NLGN4X: variants seen among roughly 807,000 people sequenced by gnomAD.
NLGN4X encodes the protein neuroligin-4, X-linked.
NLGN4X carries 3 observed loss-of-function variants against 40.3 expected under a neutral mutation model. The observed-to-expected ratio is 0.07, with a 90% CI of 0.03 to 0.19. NLGN4X has a LOEUF of 0.19. Ranked by LOEUF, NLGN4X falls within the 10% of genes least tolerant of loss-of-function variation. The probability of loss-of-function intolerance (pLI) is 1.00; values close to 1 mark genes in which losing one functional copy is unlikely to be tolerated. For synonymous variants in NLGN4X, 270 were observed against 306.8 expected, an observed-to-expected ratio of 0.88 and a Z score of 1.25; for missense variants, 382 against 708.3, an observed-to-expected ratio of 0.54 and a Z score of 5.23.
At chrX:6,095,049 C>G (rs777035075) in intron 2 of NLGN4X, among the ~76,000 whole-genome samples, 5 of 106,603 alleles carry the variant, frequency 4.7e-5, no homozygotes, top group Non-Finnish European at 9.6e-5. Context: ...TGTGTACGAG[C>G]CTTAGTTGTT....
chrX:6,109,118 T>C (rs1361521058), intron 2 of NLGN4X, among the ~76,000 whole-genome samples: 2 of 110,787 alleles, frequency 1.8e-5, no homozygotes, highest in African/African-American at 6.6e-5. Flanking sequence ...AATAAAAAAT[T>C]AGCCGGATAT....
At chrX:6,123,693 AAAATAT>A (rs199618755) in intron 2 of NLGN4X, among the ~76,000 whole-genome samples, 1,440 of 105,995 alleles carry the variant, frequency 0.014, 22 homozygotes, top group African/African-American at 0.048. Flanking sequence ...CATCTTCATT[AAAATAT>A]AAGTGCAGCA....
intron 2 of NLGN4X, among the ~76,000 whole-genome samples, chrX:6,137,780 A>G (rs1045854103): frequency 8.9e-6 from 1 of 112,452 alleles, no homozygotes; most frequent in African/African-American, 3.2e-5. Context: ...GATGAGCTCC[A>G]TTATTTTCCA....
chrX:6,150,410 T>C (rs958876515), intron 2 of NLGN4X, among the ~76,000 whole-genome samples: 11 of 112,265 alleles, frequency 9.8e-5, no homozygotes, highest in African/African-American at 3.6e-4. Flanking sequence ...GCCACTTGAT[T>C]GCAGCGAATA....
At chrX:6,025,904 C>CAA (rs10712022) in intron 3 of NLGN4X, among the ~76,000 whole-genome samples, 107 of 80,189 alleles carry the variant, frequency 1.3e-3, no homozygotes, top group African/African-American at 5.0e-3. Context: ...GACTCCATCT[C>CAA]AAAAAAAAAA....
At chrX:5,910,308 A>G (rs2032417714) in intron 3 of NLGN4X, among the ~76,000 whole-genome samples, 1 of 106,571 alleles carries the variant, frequency 9.4e-6, no homozygotes, top group Admixed American at 1.0e-4. Flanking sequence ...TTCCAAAAAG[A>G]CAAAGAATTT....
At chrX:6,198,912 C>T (rs1444446527) in intron 1 of NLGN4X, among the ~76,000 whole-genome samples, 2 of 111,705 alleles carry the variant, frequency 1.8e-5, no homozygotes, top group Admixed American at 1.9e-4. Context: ...TTTTTAAAAC[C>T]TGAGGATATC....
At chrX:6,166,316 G>C (rs2040494787) in intron 1 of NLGN4X, among the ~76,000 whole-genome samples, 1 of 110,707 alleles carries the variant, frequency 9.0e-6, no homozygotes. Flanking sequence ...GGCTGGTCTT[G>C]AACTCCTGGC....
rs192064765 is a variant in NLGN4X at position 6,064,439 on chromosome X, C to A, written c.473-35007G>T. Among the ~76,000 whole-genome samples, 11 of 111,700 alleles carry A rather than the reference C, an allele frequency of 9.8e-5. No homozygotes were observed. In the East Asian group the frequency reaches 3.1e-3, roughly 32 times the overall value. ...TCAAGATGTCTTTTTTCCTCCCCGC[C>A]CGCTGGGAGAATTTCCATTGTGAAA... On this transcript the variant is annotated intron_variant, in intron 2 of 5. Transcript: ENST00000381095.
chrX:5,942,888 G>A (rs1324754963), intron 3 of NLGN4X, among the ~76,000 whole-genome samples: 1 of 111,024 alleles, frequency 9.0e-6, no homozygotes, highest in African/African-American at 3.3e-5. Context: ...GTGGTAAGCA[G>A]AATTATAAAG....
intron 3 of NLGN4X, among the ~76,000 whole-genome samples, chrX:5,993,703 G>A (rs371532583): frequency 3.6e-5 from 4 of 111,853 alleles, no homozygotes; most frequent in African/African-American, 9.7e-5. Flanking sequence ...TGAAGATGCC[G>A]GAGGGTTGGC....
At chrX:6,209,979 T>C (rs1163651690) in intron 1 of NLGN4X, among the ~76,000 whole-genome samples, 1 of 111,959 alleles carries the variant, frequency 8.9e-6, no homozygotes, top group Non-Finnish European at 1.9e-5. Flanking sequence ...GCCTCTCCAG[T>C]AGCTGGGATT....
intron 2 of NLGN4X, among the ~76,000 whole-genome samples, chrX:6,039,842 G>A (rs1481043877): frequency 8.9e-6 from 1 of 112,361 alleles, no homozygotes; most frequent in Non-Finnish European, 1.9e-5. Flanking sequence ...ATTCATGGAT[G>A]CTGGCCTCTT....
intron 2 of NLGN4X, among the ~76,000 whole-genome samples, chrX:6,045,021 T>C (rs2037281769): frequency 8.9e-6 from 1 of 111,969 alleles, no homozygotes; most frequent in African/African-American, 3.2e-5. Context: ...CAATAAAATA[T>C]AAAGTGTATT....
At chrX:5,909,865 T>A (rs1434874783) in intron 3 of NLGN4X, among the ~76,000 whole-genome samples, 1 of 111,232 alleles carries the variant, frequency 9.0e-6, no homozygotes, top group African/African-American at 3.3e-5. Context: ...AAAATATTAG[T>A]CACATACAAA....
intron 1 of NLGN4X, among the ~76,000 whole-genome samples, chrX:6,192,831 C>T (rs2047513763): frequency 8.9e-6 from 1 of 112,041 alleles, no homozygotes; most frequent in Non-Finnish European, 1.9e-5. Context: ...CCCAACTCCA[C>T]CACCTTTCTT....
intron 3 of NLGN4X, among the ~76,000 whole-genome samples, chrX:5,979,851 CAG>C (rs1414764536): frequency 1.9e-5 from 2 of 104,350 alleles, no homozygotes; most frequent in African/African-American, 7.0e-5. Flanking sequence ...TATACACACA[CAG>C]GGGTAAATTA....
At chrX:5,967,760 A>G (rs2147003734) in intron 3 of NLGN4X, among the ~76,000 whole-genome samples, 1 of 111,344 alleles carries the variant, frequency 9.0e-6, no homozygotes, top group African/African-American at 3.3e-5. Context: ...GAATATGCAC[A>G]AAGAAAAGCA....
chrX:5,983,451 C>T (rs5961910), intron 3 of NLGN4X, among the ~76,000 whole-genome samples: 104 of 111,901 alleles, frequency 9.3e-4, no homozygotes, highest in Middle Eastern at 4.6e-3. Context: ...AGTTGGAAAA[C>T]ATCTGCAGGG....
Sources: allele counts gnomAD v4.1 joint callset (sites outside exome capture counted in the v4.1 genomes callset), GRCh38; gene constraint gnomAD v4.1.1; transcripts MANE v1.5; gene names NCBI Gene and HGNC (gene_info 2026-07-23, HGNC 2026-07-21).